The following CDH22 variants were observed in gnomAD, a reference collection of about 807,000 sequenced individuals.
CDH22 encodes the protein cadherin-22.
CDH22 carries 30 observed loss-of-function variants against 58.4 expected under a neutral mutation model. The observed-to-expected ratio is 0.51, with a 90% CI of 0.38 to 0.70. The LOEUF is 0.70. Ranked by LOEUF, CDH22 falls within the 30% of genes least tolerant of loss-of-function variation. The pLI is 0.00. For synonymous variants in CDH22, 513 were observed against 558.2 expected, an observed-to-expected ratio of 0.92 and a Z score of 1.14; for missense variants, 1,014 against 1,233.9, an observed-to-expected ratio of 0.82 and a Z score of 2.67.
intron 10 of CDH22, among the ~76,000 whole-genome samples, chr20:46,179,651 C>T (rs533167820): frequency 6.6e-6 from 1 of 152,324 alleles, no homozygotes; most frequent in East Asian, 1.9e-4. Context: ...TAATGCAAGT[C>T]TATCATTTAC....
Position 46,174,735 on chromosome 20 carries a change from C to A in CDH22, c.2258G>T (p.Arg753Leu), listed in dbSNP as rs1438184221. The A allele has an allele frequency of 2.6e-6, 4 of 1,553,632 alleles. No individual in the cohort carries two copies. Among genetic ancestry groups the A allele is most frequent in the African/African-American group, 1.4e-5 (1 of 73,766 alleles). Residue 753 changes from arginine (R) to leucine (L), a missense_variant, in exon 12 of 12, where the codon CGC (arginine) becomes CTC (leucine). Coordinates refer to ENST00000537909, the MANE Select transcript of CDH22 (RefSeq NM_021248.3). The surrounding 1 kb of genome is among the most constrained non-coding windows in gnomAD (Gnocchi z 4.4). ...DFSVFRDFISRKVALADGDLS... is the reference protein window; with the variant it reads ...DFSVFRDFISLKVALADGDLS... ...GTCCCCGTCCGCCAGTGCCACCTTG[C>A]GGCTGATGAAGTCCCTGAACACTGA... is the stretch of plus-strand genomic sequence containing the variant.
chr20:46,292,294 C>A lies in CDH22; in HGVS notation c.-400+15961G>T, dbSNP rs77828577. Among the ~76,000 whole-genome samples the A allele has an allele frequency of 8.0e-3, 1,212 of 152,334 alleles. 10 individuals carry two copies. Among genetic ancestry groups the A allele is most frequent in the East Asian group, 0.04 (209 of 5,178 alleles). ...TAAATGCAAAGGTCCCATGAGCAGCCCGTCCTTTTCAGAGCCCTCTGCTCT... is the reference window on the plus strand; with the variant it reads ...TAAATGCAAAGGTCCCATGAGCAGCACGTCCTTTTCAGAGCCCTCTGCTCT... On this transcript the variant is annotated intron_variant, in intron 1 of 11. Transcript: ENST00000537909.
chr20:46,215,114 G>T (rs1262653272), intron 5 of CDH22, among the ~76,000 whole-genome samples: 4 of 152,162 alleles, frequency 2.6e-5, no homozygotes, highest in African/African-American at 9.7e-5. Context: ...GGCTTTATTT[G>T]GTAAAGCTAA....
At chr20:46,183,236 A>G (rs902449051) in intron 10 of CDH22, among the ~76,000 whole-genome samples, 31 of 152,096 alleles carry the variant, frequency 2.0e-4, no homozygotes, top group Non-Finnish European at 4.0e-4. Context: ...AAGCCCCCCA[A>G]ATCTCTCCCT....
At chr20:46,295,244 G>A (rs912321430) in intron 1 of CDH22, among the ~76,000 whole-genome samples, 7 of 152,164 alleles carry the variant, frequency 4.6e-5, no homozygotes, top group Non-Finnish European at 2.9e-5. Flanking sequence ...CAGAAAAAAT[G>A]TTTTTGCTTT....
chr20:46,288,930 T>C (rs2145774744), intron 1 of CDH22, among the ~76,000 whole-genome samples: 1 of 152,344 alleles, frequency 6.6e-6, no homozygotes, highest in Non-Finnish European at 1.5e-5. Context: ...TCAGTTATGG[T>C]GTTAAAACAT....
At chr20:46,257,884 G>A (rs2086414255) in intron 1 of CDH22, among the ~76,000 whole-genome samples, 1 of 152,198 alleles carries the variant, frequency 6.6e-6, no homozygotes. Flanking sequence ...GAAACAGCAA[G>A]AGACTGACAG....
intron 1 of CDH22, among the ~76,000 whole-genome samples, chr20:46,295,916 C>T (rs1348147293): frequency 1.3e-5 from 2 of 152,150 alleles, no homozygotes; most frequent in African/African-American, 2.4e-5. Flanking sequence ...TCGTGTGCTG[C>T]CACTCTTGGC....
intron 8 of CDH22, among the ~76,000 whole-genome samples, chr20:46,190,821 G>A (rs2085857766): frequency 1.3e-5 from 2 of 152,082 alleles, no homozygotes; most frequent in African/African-American, 2.4e-5. Flanking sequence ...GTGAAGCCCC[G>A]GGGGTCTGAG....
chr20:46,210,473 T>C lies in CDH22; in HGVS notation c.1120A>G (p.Thr374Ala). 6 of 1,433,884 alleles carry C rather than the reference T, an allele frequency of 4.2e-6. No individual in the cohort carries two copies. The highest frequency in any genetic ancestry group is 5.5e-6 in the Non-Finnish European group (6 of 1,090,828). The allele number at this position is 1,433,884 out of a possible 1,614,324, so 88.8% of individuals were successfully genotyped here. A position where few individuals can be genotyped will look rare whatever the true frequency, so the allele number is the denominator to read the frequency against. ...CGCACGATCGCCTGGTCGCGGAACG[T>C]GCCCAGGTCGGCGAAGCGGGGGTCC... is the stretch of plus-strand genomic sequence containing the variant. ...FVDPRFADLG[T>A]FRDQAIVRVA... The change falls in exon 7 of 12, where the codon ACG (threonine) becomes GCG (alanine). Residue 374 changes from threonine (T) to alanine (A), a missense_variant. By Grantham distance (58) the Thr-to-Ala change is moderately conservative. Transcript: ENST00000537909. The surrounding 1 kb of genome is among the most constrained non-coding windows in gnomAD (Gnocchi z 4.5).
chr20:46,209,925 G>A (rs1420334949), intron 7 of CDH22: 2 of 201,880 alleles, frequency 9.9e-6, no homozygotes, highest in East Asian at 1.1e-4. Flanking sequence ...GAGGGAAGGG[G>A]GTGCAGGGAG....
chr20:46,250,790 C>CTACA (rs2086366241), intron 2 of CDH22, among the ~76,000 whole-genome samples: 1 of 152,132 alleles, frequency 6.6e-6, no homozygotes. Flanking sequence ...ATGCATCTAG[C>CTACA]TACAGGATGG....
At chr20:46,227,686 C>T (rs553033753) in intron 3 of CDH22, 59 bp from the exon 4 acceptor site, 6 of 1,545,708 alleles carry the variant, frequency 3.9e-6, no homozygotes, top group African/African-American at 2.7e-5. Context: ...CTCGTTCCCC[C>T]ACTTCGCCTC....
intron 3 of CDH22, among the ~76,000 whole-genome samples, chr20:46,239,220 T>C (rs367679633): frequency 1.3e-5 from 2 of 152,260 alleles, no homozygotes; most frequent in Non-Finnish European, 2.9e-5. Context: ...GCATGTAGTA[T>C]GCACTCAATA....
At chr20:46,283,862 G>A (rs1037818481) in intron 1 of CDH22, among the ~76,000 whole-genome samples, 1 of 151,932 alleles carries the variant, frequency 6.6e-6, no homozygotes, top group South Asian at 2.1e-4. Context: ...CACACACCCC[G>A]TGAGCCAAAG....
In CDH22 at chr20:46,210,254, G is replaced by T; in HGVS notation, c.1286+53C>A. On this transcript the variant is annotated intron_variant, in intron 7 of 11. Coordinates refer to ENST00000537909, the MANE Select transcript of CDH22 (RefSeq NM_021248.3). The surrounding 1 kb of genome is among the most constrained non-coding windows in gnomAD (Gnocchi z 4.5). Reference sequence around the variant, plus strand: ...CCCTCTGCCCGCAGTCTGTCCGCGGGGGTGATGGCGGGATAGCAGGCAGCA... The same window carrying T: ...CCCTCTGCCCGCAGTCTGTCCGCGGTGGTGATGGCGGGATAGCAGGCAGCA... The T allele has an allele frequency of 1.5e-6, 2 of 1,361,654 alleles. No individual in the cohort carries two copies. The highest frequency in any genetic ancestry group is 9.4e-7 in the Non-Finnish European group (1 of 1,061,564). 84.3% of individuals were successfully genotyped at this position (1,361,654 alleles called of 1,614,324 possible). A position where few individuals can be genotyped will look rare whatever the true frequency, so the allele number is the denominator to read the frequency against.
chr20:46,253,788 C>T (rs1450005661), intron 1 of CDH22, among the ~76,000 whole-genome samples: 1 of 152,178 alleles, frequency 6.6e-6, no homozygotes, highest in African/African-American at 2.4e-5. Context: ...CATCACAGCC[C>T]TGCAGGGATG....
intron 10 of CDH22, among the ~76,000 whole-genome samples, chr20:46,182,814 A>G (rs2085798931): frequency 6.6e-6 from 1 of 152,242 alleles, no homozygotes; most frequent in African/African-American, 2.4e-5. Context: ...TTGTACAAAG[A>G]AACAGATGGG....
At position 46,186,683 on chromosome 20, in the gene CDH22, A is replaced by G. The variant is rs1600686650; in HGVS notation, c.1568T>C (p.Val523Ala). ...PGQLIQTISV[V>A]DRDEPQGGHR... The stretch of plus-strand genomic sequence containing the variant: ...CCCGCCTTGGGGCTCGTCTCTGTCC[A>G]CCACGCTGATGGTCTGGATGAGCTG... The change falls in exon 10 of 12, where the codon GTG becomes GCG. Residue 523 changes from valine (V) to alanine (A), a missense_variant. Val to Ala is a moderately conservative substitution (Grantham distance 64, BLOSUM62 0). Transcript: ENST00000537909. 1.2e-6 allele frequency: 2 copies of G among 1,613,764 alleles called. No individual in the cohort carries two copies. Among genetic ancestry groups the G allele is most frequent in the Non-Finnish European group, 1.7e-6 (2 of 1,179,962 alleles).
Sources: allele counts gnomAD v4.1 joint callset (sites outside exome capture counted in the v4.1 genomes callset), GRCh38; gene constraint gnomAD v4.1.1; non-coding constraint Gnocchi (gnomAD v3.1); transcripts MANE v1.5; gene names NCBI Gene and HGNC (gene_info 2026-07-23, HGNC 2026-07-21).